The following CNTNAP3 variants were observed in gnomAD, a reference collection of about 807,000 sequenced individuals.
CNTNAP3 encodes the protein contactin-associated protein-like 3.
CNTNAP3 carries 36 observed loss-of-function variants against 92.1 expected under a neutral mutation model. The ratio of observed to expected loss-of-function variants is 0.39; its 90% CI spans 0.30 to 0.52. The LOEUF (loss-of-function observed/expected upper bound fraction) is 0.52. Among genes scored for constraint, CNTNAP3 ranks in the 20% least tolerant of loss-of-function variants. CNTNAP3 has a pLI of 0.76. For missense variants in CNTNAP3, 534 were observed against 1,069.6 expected, an observed-to-expected ratio of 0.50 and a Z score of 6.98; for synonymous variants, 232 against 422.3, an observed-to-expected ratio of 0.55 and a Z score of 5.53.
intron 10 of CNTNAP3, among the ~76,000 whole-genome samples, chr9:39,149,528 T>TC (rs1554650930): frequency 6.6e-6 from 1 of 151,134 alleles, no homozygotes; most frequent in African/African-American, 2.4e-5. Flanking sequence ...TTTTTTTTTT[T>TC]TGTATTTTTA....
At chr9:39,075,026 C>T (rs950920191) in intron 23 of CNTNAP3, among the ~76,000 whole-genome samples, 6 of 152,266 alleles carry the variant, frequency 3.9e-5, no homozygotes, top group African/African-American at 1.2e-4. Context: ...CCTCGGCCTC[C>T]CAAAGTGCTG....
At chr9:39,162,761 G>A (rs1361808841) in intron 9 of CNTNAP3, among the ~76,000 whole-genome samples, 2 of 144,604 alleles carry the variant, frequency 1.4e-5, no homozygotes, top group Non-Finnish European at 3.0e-5. Context: ...TGGGAGCTTA[G>A]TATTGAGTAC....
chr9:39,114,463 A>C (rs1358093228), intron 14 of CNTNAP3, among the ~76,000 whole-genome samples: 1 of 152,140 alleles, frequency 6.6e-6, no homozygotes, highest in Non-Finnish European at 1.5e-5. Context: ...TCTCAGCATT[A>C]GATAGAGTTC....
At position 39,087,824 on chromosome 9, in the gene CNTNAP3, T is replaced by C. The variant is rs570131137; in HGVS notation, c.3220+599A>G. The stretch of plus-strand genomic sequence containing the variant: ...TGTAGATTTTTTTCTAGGCATGAAA[T>C]TTTTGTGCTGTGTACCTAACAGACT... On this transcript the variant is annotated intron_variant, in intron 19 of 23. Transcript: ENST00000297668. 6.6e-3 allele frequency among the ~76,000 whole-genome samples: 999 copies of C among 152,214 alleles called. 9 individuals are homozygous for C. Among genetic ancestry groups the C allele is most frequent in the African/African-American group, 0.022 (911 of 41,536 alleles).
At position 39,145,023 on chromosome 9, in the gene CNTNAP3, G is replaced by A. The variant is rs1485528515; in HGVS notation, c.1650-677C>T. On this transcript the variant is annotated intron_variant, in intron 10 of 23. Coordinates refer to ENST00000297668, the MANE Select transcript of CNTNAP3 (RefSeq NM_033655.5). ...GGGAACCTCAAGGGACCCTGAACTA[G>A]CCAAAACAATCTTGAAAAAGAACAG... 3.5e-5 allele frequency among the ~76,000 whole-genome samples: 5 copies of A among 140,954 alleles called. No individual in the cohort carries two copies. The East Asian group carries it at 1.0e-3, about 29-fold the overall frequency. The allele number at this position is 140,954 out of a possible 152,430, so 92.5% of individuals were successfully genotyped here.
chr9:39,103,182 T>A (rs1193009955), intron 16 of CNTNAP3, among the ~76,000 whole-genome samples: 3 of 152,374 alleles, frequency 2.0e-5, no homozygotes, highest in Non-Finnish European at 4.4e-5. Context: ...AACAATGTGA[T>A]GAGTTTGGTT....
intron 16 of CNTNAP3, 156 bp downstream of exon 16, chr9:39,103,588 T>G: frequency 2.2e-6 from 2 of 890,916 alleles, no homozygotes; most frequent in Non-Finnish European, 3.3e-6. Context: ...TCTCCCTCTC[T>G]CAAAAAAAAA....
intron 13 of CNTNAP3, among the ~76,000 whole-genome samples, chr9:39,118,851 T>G (rs1227742880): frequency 6.6e-6 from 1 of 152,208 alleles, no homozygotes; most frequent in Non-Finnish European, 1.5e-5. Context: ...AGATTTCTCA[T>G]GCGAAGAAAC....
At chr9:39,135,993 G>C (rs1452101052) in intron 12 of CNTNAP3, among the ~76,000 whole-genome samples, 2 of 151,870 alleles carry the variant, frequency 1.3e-5, no homozygotes, top group Non-Finnish European at 2.9e-5. Flanking sequence ...GCCGGGCGTG[G>C]TGGCACGTGC....
chr9:39,108,281 T>C (rs1392310473), intron 15 of CNTNAP3, among the ~76,000 whole-genome samples: 2 of 151,628 alleles, frequency 1.3e-5, no homozygotes, highest in African/African-American at 2.4e-5. Context: ...GTCCCCCCCC[T>C]CTCTGGGGAG....
intron 14 of CNTNAP3, 122 bp from the exon 15 acceptor site, chr9:39,109,409 T>C: frequency 6.8e-7 from 1 of 1,462,362 alleles, no homozygotes; most frequent in African/African-American, 1.4e-5. Context: ...CTTAACATTT[T>C]CAATATTTTG....
Position 39,109,285 on chromosome 9 carries a change from G to C in CNTNAP3, c.2240C>G (p.Thr747Ser). 6.2e-7 allele frequency: 1 copy of C among 1,611,656 alleles called. No homozygotes were observed. Among genetic ancestry groups the C allele is most frequent in the Non-Finnish European group, 8.5e-7 (1 of 1,179,640 alleles). The change falls in exon 15 of 24, where the codon ACT becomes AGT. Residue 747 changes from threonine to serine, a missense_variant and splice_region_variant. Physicochemically the swap from Thr to Ser is moderately conservative, Grantham distance 58. Transcript: ENST00000297668. ...TTGGGAAAGGACTATTGTGTCACTA[G>C]TCCTAAAGAACAACAACCGAAACCA... Reference protein sequence around the residue: ...CNCDAGRNEWTSDTIVLSQKE... With the variant: ...CNCDAGRNEWSSDTIVLSQKE...
intron 15 of CNTNAP3, among the ~76,000 whole-genome samples, chr9:39,108,053 T>C (rs1434086965): frequency 6.6e-6 from 1 of 152,034 alleles, no homozygotes; most frequent in African/African-American, 2.4e-5. Flanking sequence ...AAACACAAAA[T>C]TTCCGGGTCA....
At chr9:39,115,972 T>C (rs1393637571) in intron 14 of CNTNAP3, among the ~76,000 whole-genome samples, 3 of 151,854 alleles carry the variant, frequency 2.0e-5, no homozygotes, top group Non-Finnish European at 2.9e-5. Context: ...GCCTGGCCAA[T>C]AGTGAAACCC....
At chr9:39,080,267 C>T (rs1038366938) in intron 21 of CNTNAP3, among the ~76,000 whole-genome samples, 14 of 141,158 alleles carry the variant, frequency 9.9e-5, no homozygotes, top group Non-Finnish European at 1.4e-4. Flanking sequence ...AATATCTGAT[C>T]ACTCTCAATA....
Position 39,144,363 on chromosome 9 carries a change from A to G in CNTNAP3, c.1650-17T>C, listed in dbSNP as rs1294905636. The stretch of plus-strand genomic sequence containing the variant: ...GGCAAGCACCTAAAAGAAAACAGAT[A>G]CAACTGCTGTTTCCCTTTTTCAATC... On this transcript the variant is annotated splice_polypyrimidine_tract_variant and intron_variant, in intron 10 of 23. Transcript: ENST00000297668. 6.7e-7 allele frequency: 1 copy of G among 1,502,042 alleles called. No individual in the cohort carries two copies. The highest frequency in any genetic ancestry group is 1.4e-5 in the African/African-American group (1 of 70,578). 93.0% of individuals were successfully genotyped at this position (1,502,042 alleles called of 1,614,324 possible).
intron 18 of CNTNAP3, among the ~76,000 whole-genome samples, chr9:39,090,619 G>C (rs993999098): frequency 9.2e-5 from 14 of 152,428 alleles, no homozygotes; most frequent in African/African-American, 3.4e-4. Context: ...TTTACAGTAA[G>C]TTTAGAAATT....
At chr9:39,254,493 C>A (rs1822828567) in intron 2 of CNTNAP3, among the ~76,000 whole-genome samples, 1 of 16,484 alleles carries the variant, frequency 6.1e-5, no homozygotes, top group African/African-American at 1.4e-4. Context: ...ACATATATAT[C>A]CTATTGGAAG....
At chr9:39,105,232 C>T (rs1409624727) in intron 15 of CNTNAP3, among the ~76,000 whole-genome samples, 1 of 152,086 alleles carries the variant, frequency 6.6e-6, no homozygotes, top group East Asian at 1.9e-4. Context: ...TCCAGACCAT[C>T]CTGGCTAACA....
Sources: gnomAD v4.1 joint callset for allele counts (sites outside exome capture counted in the v4.1 genomes callset) on GRCh38, gnomAD v4.1.1 for gene constraint, MANE v1.5 for transcripts, NCBI Gene and HGNC (gene_info 2026-07-23, HGNC 2026-07-21) for gene names.